Variants in POFUT2 observed in about 807,000 individuals in gnomAD.
POFUT2 encodes protein O-fucosyltransferase 2, also known as GDP-fucose protein O-fucosyltransferase 2.
A neutral mutation model predicts 55.0 loss-of-function variants in POFUT2; 30 were observed. That is an observed-to-expected ratio of 0.55 (90% CI 0.41 to 0.74). The LOEUF is 0.74. POFUT2 is among the 30% of genes least tolerant of loss of function. POFUT2 has a pLI of 0.00. For missense variants in POFUT2, 524 were observed against 562.6 expected (o/e 0.93, Z 0.69); for synonymous variants, 267 against 231.1 (o/e 1.16, Z -1.41).
chr21:45,282,728 G>T lies in POFUT2; in HGVS notation c.528-269C>A. On this transcript the variant is annotated intron_variant, in intron 3 of 8. Transcript: ENST00000349485. The surrounding 1 kb of genome is among the most constrained non-coding windows in gnomAD (Gnocchi z 4.6). The stretch of plus-strand genomic sequence containing the variant: ...GGGAGGCAGAGGGAGCCGGACAGAG[G>T]CAGCCCTGTGCACCTTCAGGGCCAG... 1.9e-6 allele frequency: 1 copy of T among 533,986 alleles called. No homozygotes were observed. 33.1% of individuals were successfully genotyped at this position (533,986 alleles called of 1,614,324 possible). A position where few individuals can be genotyped will look rare whatever the true frequency, so the allele number is the denominator to read the frequency against.
intron 1 of POFUT2, 139 bp downstream of exon 1, chr21:45,287,602 C>G: frequency 3.3e-6 from 3 of 897,484 alleles, no homozygotes; most frequent in Non-Finnish European, 4.4e-6. Context: ...TCCCTGGCCC[C>G]GGACCACCCT....
chr21:45,265,847 GC>G lies in POFUT2; in HGVS notation c.1137-213del. ...CGACATCGGCGCCCTGAGGGGCTCT[GC>G]CTGGTGCTGCAGCCCCATCCACACC... On this transcript the variant is annotated intron_variant, in intron 8 of 8. Transcript: ENST00000349485. The surrounding 1 kb of genome is among the most constrained non-coding windows in gnomAD (Gnocchi z 4.6). 7.2e-7 allele frequency: 1 copy of G among 1,386,822 alleles called. No homozygotes were observed. The highest frequency in any genetic ancestry group is 2.7e-5 in the East Asian group (1 of 36,612). The allele number at this position is 1,386,822 out of a possible 1,614,324, so 85.9% of individuals were successfully genotyped here. A position where few individuals can be genotyped will look rare whatever the true frequency, so the allele number is the denominator to read the frequency against.
rs1042185276 is a variant in POFUT2, at chr21:45,277,717, C to T, written c.705+386G>A. On this transcript the variant is annotated intron_variant, in intron 5 of 8. Transcript: ENST00000349485. The surrounding 1 kb of genome is among the most constrained non-coding windows in gnomAD (Gnocchi z 6.9). Reference sequence around the variant, plus strand: ...GCTATGGGAAGTCACCCCATCAATGCGGAAATCAACGCCAACGGAAAAGAC... The same window carrying T: ...GCTATGGGAAGTCACCCCATCAATGTGGAAATCAACGCCAACGGAAAAGAC... 17 of 245,150 alleles carry T rather than the reference C, an allele frequency of 6.9e-5. No individual in the cohort carries two copies. The highest frequency in any genetic ancestry group is 9.1e-5 in the African/African-American group (4 of 43,986). The allele number at this position is 245,150 out of a possible 1,614,324, so 15.2% of individuals were successfully genotyped here.
chr21:45,279,498 C>G (rs1258856987), intron 4 of POFUT2, among the ~76,000 whole-genome samples: 1 of 152,206 alleles, frequency 6.6e-6, no homozygotes, highest in Non-Finnish European at 1.5e-5. Context: ...TTTCAAAAGG[C>G]TTTTAAAGTG....
rs555328247 is a variant in POFUT2 at position 45,268,679 on chromosome 21, C to T, written c.1013-966G>A. 4.4e-4 allele frequency among the ~76,000 whole-genome samples: 66 copies of T among 149,802 alleles called. 1 individual carries two copies. The highest frequency in any genetic ancestry group is 6.8e-3 in the Middle Eastern group (2 of 292). On this transcript the variant is annotated intron_variant, in intron 7 of 8. Transcript: ENST00000349485. Reference sequence around the variant, plus strand: ...GAGCGCCTCTGCCTGGCCACGACCCCGTCTGGGAGGTGAGGAGCGTCTCTG... The same window carrying T: ...GAGCGCCTCTGCCTGGCCACGACCCTGTCTGGGAGGTGAGGAGCGTCTCTG...
intron 1 of POFUT2, 80 bp downstream of exon 1, chr21:45,287,655 CCCCTGA>C: frequency 1.0e-6 from 1 of 1,000,978 alleles, no homozygotes; most frequent in Non-Finnish European, 1.3e-6. Context: ...ATCTCCCTGG[CCCCTGA>C]CCCCGCCCCG....
At chr21:45,286,595 A>C (rs370538733) in intron 1 of POFUT2, among the ~76,000 whole-genome samples, 1 of 152,232 alleles carries the variant, frequency 6.6e-6, no homozygotes, top group African/African-American at 2.4e-5. Context: ...ACTACTATTA[A>C]AACGGCTACA....
At chr21:45,280,893 C>G (rs1259120495) in intron 4 of POFUT2, among the ~76,000 whole-genome samples, 17 of 152,214 alleles carry the variant, frequency 1.1e-4, no homozygotes, top group Non-Finnish European at 1.5e-5. Flanking sequence ...CAGGACCTCC[C>G]TCTCTGAGGC....
In POFUT2 at chr21:45,287,773, G is replaced by A. The variant is rs371337628; in HGVS notation, c.99C>T (p.Ala33=). The A allele has an allele frequency of 6.7e-7, 1 of 1,500,006 alleles. No homozygotes were observed. Among genetic ancestry groups the A allele is most frequent in the East Asian group, 2.7e-5 (1 of 37,698 alleles). The allele number at this position is 1,500,006 out of a possible 1,614,324, so 92.9% of individuals were successfully genotyped here. A position where few individuals can be genotyped will look rare whatever the true frequency, so the allele number is the denominator to read the frequency against. Residue 33 remains alanine, a synonymous_variant, in exon 1 of 9, where the codon GCC becomes GCT. Coordinates refer to ENST00000349485, the MANE Select transcript of POFUT2 (RefSeq NM_133635.6). Reference sequence around the variant, plus strand: ...GGGAAGCCGCCCCCGACAGAATATCGGCCGCCGATTGTCCGGGCCAGAACT... The same window carrying A: ...GGGAAGCCGCCCCCGACAGAATATCAGCCGCCGATTGTCCGGGCCAGAACT... ...GQEFWPGQSA[A]DILSGAASRR...
chr21:45,267,538 C>T lies in POFUT2; in HGVS notation c.1136+52G>A, dbSNP rs1430904221. ...ACACCGAGTACTTGGGACAGAAGAACCTTTGAAAGCCACCCGACCCGCTCT... is the reference window on the plus strand; with the variant it reads ...ACACCGAGTACTTGGGACAGAAGAATCTTTGAAAGCCACCCGACCCGCTCT... On this transcript the variant is annotated intron_variant, in intron 8 of 8. Transcript: ENST00000349485. This position sits in a 1 kb window ranked among gnomAD's most constrained non-coding sequence, Gnocchi z 4.4. 6.2e-7 allele frequency: 1 copy of T among 1,614,064 alleles called. No homozygotes were observed. The highest frequency in any genetic ancestry group is 2.2e-5 in the East Asian group (1 of 44,888).
At chr21:45,266,202 C>G (rs750158162) in intron 8 of POFUT2, 1 of 1,367,626 alleles carries the variant, frequency 7.3e-7, no homozygotes, top group Non-Finnish European at 9.8e-7. Context: ...CAGCTGGTCT[C>G]TGGCTCTCCA....
chr21:45,274,510 C>G (rs1345501112), intron 6 of POFUT2, among the ~76,000 whole-genome samples: 27 of 152,092 alleles, frequency 1.8e-4, no homozygotes. Flanking sequence ...CAAAGCAAAA[C>G]TACTAAGCAA....
intron 1 of POFUT2, among the ~76,000 whole-genome samples, chr21:45,286,830 C>T (rs1034063215): frequency 6.6e-6 from 1 of 152,178 alleles, no homozygotes; most frequent in African/African-American, 2.4e-5. Flanking sequence ...CACGAGGGGC[C>T]GTGCACACCT....
intron 7 of POFUT2, among the ~76,000 whole-genome samples, chr21:45,268,816 G>T (rs2093185398): frequency 2.7e-5 from 4 of 146,002 alleles, no homozygotes; most frequent in Admixed American, 1.3e-4. Flanking sequence ...GGAGGTGGGG[G>T]GGTCAGCCCT....
At chr21:45,280,903 C>A (rs1319594111) in intron 4 of POFUT2, among the ~76,000 whole-genome samples, 1 of 152,258 alleles carries the variant, frequency 6.6e-6, no homozygotes, top group Non-Finnish European at 1.5e-5. Context: ...CTCTCTGAGG[C>A]CTGTCTCCAT....
intron 7 of POFUT2, among the ~76,000 whole-genome samples, chr21:45,268,017 C>T (rs1352453115): frequency 1.3e-5 from 2 of 152,194 alleles, no homozygotes; most frequent in African/African-American, 4.8e-5. Flanking sequence ...GTCTCCCTCT[C>T]TTTCCACGGT....
chr21:45,264,886 C>A lies in POFUT2; in HGVS notation c.*596G>T, dbSNP rs2093140211. The A allele has an allele frequency of 6.6e-6, 1 of 152,402 alleles. No homozygotes were observed. The highest frequency in any genetic ancestry group is 1.5e-5 in the Non-Finnish European group (1 of 68,164). 9.4% of individuals were successfully genotyped at this position (152,402 alleles called of 1,614,324 possible). A position where few individuals can be genotyped will look rare whatever the true frequency, so the allele number is the denominator to read the frequency against. ...TGAACTGTCATCCCTCCACGGGGCT[C>A]CCTGAGGCCTCAGGCCCTTTCCTTT... is the stretch of plus-strand genomic sequence containing the variant. On this transcript the variant is annotated 3_prime_UTR_variant, in exon 9 of 9. Transcript: ENST00000349485.
At position 45,270,327 on chromosome 21, in the gene POFUT2, C is replaced by G. The variant is rs766035984; in HGVS notation, c.832-308G>C. The stretch of plus-strand genomic sequence containing the variant: ...TTTCCTCCGAGAACCACCGCAGGGA[C>G]GTGCCACAAAGAGTTCACGGATCCT... On this transcript the variant is annotated intron_variant, in intron 6 of 8. Transcript: ENST00000349485. This position sits in a 1 kb window ranked among gnomAD's most constrained non-coding sequence, Gnocchi z 4.6. Among the ~76,000 whole-genome samples the G allele has an allele frequency of 6.6e-6, 1 of 152,076 alleles. No homozygotes were observed. The highest frequency in any genetic ancestry group is 6.5e-5 in the Admixed American group (1 of 15,276).
intron 8 of POFUT2, chr21:45,266,708 C>A: frequency 1.0e-6 from 1 of 1,001,414 alleles, no homozygotes; most frequent in Non-Finnish European, 1.2e-6. Flanking sequence ...GTCTTACACA[C>A]CATGCCCAGA....
Sources: allele counts gnomAD v4.1 joint callset (sites outside exome capture counted in the v4.1 genomes callset), GRCh38; gene constraint gnomAD v4.1.1; non-coding constraint Gnocchi (gnomAD v3.1); transcripts MANE v1.5; gene names NCBI Gene and HGNC (gene_info 2026-07-23, HGNC 2026-07-21).